The following ST6GAL1 variants were observed in gnomAD, a reference collection of about 807,000 sequenced individuals.
ST6GAL1 encodes ST6 beta-galactoside alpha-2,6-sialyltransferase 1.
Under a neutral mutation model 38.0 loss-of-function variants are expected in ST6GAL1, and 20 were observed. The observed-to-expected ratio is 0.53, with a 90% CI of 0.37 to 0.77. ST6GAL1 has a LOEUF of 0.77. ST6GAL1 is among the 30% of genes least tolerant of loss of function. The probability of loss-of-function intolerance (pLI) is 0.00; values close to 1 mark genes in which losing one functional copy is unlikely to be tolerated. For missense variants in ST6GAL1, 432 were observed against 496.4 expected (o/e 0.87, Z 1.23); for synonymous variants, 196 against 188.2 (o/e 1.04, Z -0.34).
intron 1 of ST6GAL1, among the ~76,000 whole-genome samples, 179 bp from the exon 2 acceptor site, chr3:186,963,606 A>G (rs1339809004): frequency 2.0e-5 from 3 of 152,184 alleles, no homozygotes; most frequent in Admixed American, 1.3e-4. Flanking sequence ...TTACTCTCAA[A>G]TTGTACAACC....
At chr3:186,939,331 C>T (rs1432818641) in intron 1 of ST6GAL1, among the ~76,000 whole-genome samples, 3 of 152,088 alleles carry the variant, frequency 2.0e-5, no homozygotes, top group African/African-American at 7.2e-5. Context: ...CCTTGGCCTC[C>T]CAAAGTGCTG....
intron 2 of ST6GAL1, among the ~76,000 whole-genome samples, chr3:186,973,954 GA>G (rs1247402028): frequency 6.6e-6 from 1 of 152,236 alleles, no homozygotes; most frequent in African/African-American, 2.4e-5. Flanking sequence ...GCTAAAGAGA[GA>G]GAGACAAATG....
At chr3:186,939,102 C>T (rs1157801464) in intron 1 of ST6GAL1, among the ~76,000 whole-genome samples, 1 of 146,390 alleles carries the variant, frequency 6.8e-6, no homozygotes, top group African/African-American at 2.6e-5. Context: ...GAGACAGGGT[C>T]TCGCACTGTC....
intron 5 of ST6GAL1, among the ~76,000 whole-genome samples, chr3:187,065,379 CA>C (rs1163945642): frequency 1.3e-5 from 2 of 151,968 alleles, no homozygotes; most frequent in Admixed American, 6.5e-5. Context: ...GCATGCAAAA[CA>C]AAAAAGGCAC....
chr3:187,066,080 C>A (rs995166204), intron 5 of ST6GAL1, among the ~76,000 whole-genome samples: 1 of 142,374 alleles, frequency 7.0e-6, no homozygotes. Context: ...GTTGGCAGGG[C>A]GGGTGGGAGG....
chr3:186,935,592 T>C (rs3954167), intron 1 of ST6GAL1, among the ~76,000 whole-genome samples: 129,502 of 152,234 alleles, frequency 0.85, 55,275 homozygotes, highest in South Asian at 0.88. Flanking sequence ...CTTTCTACAA[T>C]GGTTGAACTA....
chr3:187,002,549 T>C (rs919638916), intron 2 of ST6GAL1, among the ~76,000 whole-genome samples: 1 of 152,228 alleles, frequency 6.6e-6, no homozygotes, highest in African/African-American at 2.4e-5. Flanking sequence ...AGGCATTGGC[T>C]GGGAGGTTCA....
chr3:187,057,675 G>A (rs1480434293), intron 5 of ST6GAL1, among the ~76,000 whole-genome samples: 2 of 152,166 alleles, frequency 1.3e-5, no homozygotes, highest in African/African-American at 4.8e-5. Context: ...CTTTGTCCCA[G>A]TGGGGCAACT....
At chr3:186,994,342 A>T (rs1423927814) in intron 2 of ST6GAL1, among the ~76,000 whole-genome samples, 2 of 152,166 alleles carry the variant, frequency 1.3e-5, no homozygotes, top group Non-Finnish European at 2.9e-5. Flanking sequence ...TTGTCTTTTT[A>T]GTGTAACATG....
chr3:187,057,653 T>G (rs1245789817), intron 5 of ST6GAL1, among the ~76,000 whole-genome samples: 1 of 152,172 alleles, frequency 6.6e-6, no homozygotes, highest in East Asian at 1.9e-4. Flanking sequence ...TGCCTCATTC[T>G]TCCTCTGGAA....
chr3:186,976,046 G>T (rs79017743), intron 2 of ST6GAL1, among the ~76,000 whole-genome samples: 3,515 of 152,232 alleles, frequency 0.023, 57 homozygotes, highest in Non-Finnish European at 0.036. Context: ...GCCCCTCAGG[G>T]TCTCCACGGG....
At chr3:186,970,307 C>T (rs936555884) in intron 2 of ST6GAL1, among the ~76,000 whole-genome samples, 1 of 151,196 alleles carries the variant, frequency 6.6e-6, no homozygotes, top group East Asian at 1.9e-4. Context: ...CACCGCCTCC[C>T]AGGTTCAAGC....
intron 2 of ST6GAL1, among the ~76,000 whole-genome samples, chr3:187,009,321 A>C (rs973489172): frequency 1.3e-5 from 2 of 152,144 alleles, no homozygotes; most frequent in African/African-American, 2.4e-5. Context: ...GGATGGAATG[A>C]TATGTCTGGG....
At chr3:186,978,282 G>A (rs1169379888) in intron 2 of ST6GAL1, among the ~76,000 whole-genome samples, 1 of 152,194 alleles carries the variant, frequency 6.6e-6, no homozygotes, top group Non-Finnish European at 1.5e-5. Flanking sequence ...GTTATGCCAG[G>A]TAGTAAAGGT....
At chr3:187,028,029 C>T (rs1419299312) in intron 2 of ST6GAL1, among the ~76,000 whole-genome samples, 1 of 151,592 alleles carries the variant, frequency 6.6e-6, no homozygotes, top group African/African-American at 2.4e-5. Context: ...CGTGGAGGTC[C>T]TTGTGACTCT....
At chr3:186,986,818 T>TA (rs1416477854) in intron 2 of ST6GAL1, 3 of 152,102 alleles carry the variant, frequency 2.0e-5, no homozygotes, top group Admixed American at 2.0e-4. Flanking sequence ...AGATGCATCT[T>TA]ATAGCAAGTC....
intron 2 of ST6GAL1, among the ~76,000 whole-genome samples, chr3:187,008,147 T>G (rs956421588): frequency 6.6e-6 from 1 of 152,024 alleles, no homozygotes; most frequent in Non-Finnish European, 1.5e-5. Context: ...AGTTTCAAAT[T>G]TAAAGAAAAA....
intron 2 of ST6GAL1, among the ~76,000 whole-genome samples, chr3:187,012,301 A>G (rs955330895): frequency 1.3e-5 from 2 of 151,074 alleles, no homozygotes; most frequent in African/African-American, 2.4e-5. Flanking sequence ...TCTGTCTCCC[A>G]GGCTGGAGTG....
intron 1 of ST6GAL1, among the ~76,000 whole-genome samples, chr3:186,962,285 A>G (rs879549852): frequency 3.4e-4 from 52 of 152,042 alleles, no homozygotes; most frequent in Admixed American, 3.2e-3. Flanking sequence ...TTGTGTATCT[A>G]TCACTCCCCT....
Sources: gnomAD v4.1 joint callset for allele counts (sites outside exome capture counted in the v4.1 genomes callset) on GRCh38, gnomAD v4.1.1 for gene constraint, MANE v1.5 for transcripts, NCBI Gene and HGNC (gene_info 2026-07-23, HGNC 2026-07-21) for gene names.